Variants in PMS2 observed in about 807,000 individuals in gnomAD.
The protein encoded by PMS2 is PMS1 homolog 2, mismatch repair system component.
PMS2 carries 69 observed loss-of-function variants against 90.0 expected under a neutral mutation model. The ratio of observed to expected loss-of-function variants is 0.77; its 90% CI spans 0.63 to 0.94. PMS2 has a LOEUF of 0.94. PMS2 is among the 40% of genes least tolerant of loss of function. The pLI, the probability that PMS2 is intolerant of heterozygous loss-of-function variation, is 0.00. For missense variants in PMS2, 966 were observed against 1,040.2 expected (o/e 0.93, Z 0.98); for synonymous variants, 332 against 375.1 (o/e 0.89, Z 1.33).
chr7:5,989,954 T>G lies in PMS2; in HGVS notation c.990A>C (p.Glu330Asp). Residue 330 changes from glutamate to aspartate, a missense_variant and splice_region_variant, in exon 10 of 15, where the codon GAA (glutamate) becomes GAC (aspartate). By Grantham distance (45) the Glu-to-Asp change is conservative (BLOSUM62 2). Around this residue, in one of 2 missense-constraint regions of PMS2, gnomAD observed 871 missense variants for 802.4 expected, o/e 1.09. Transcript: ENST00000265849. ...CTGGAGTAACATTGATATCAACGCATTCTAAGGCAAAAAAGAAAACATATT... is the reference window on the plus strand; with the variant it reads ...CTGGAGTAACATTGATATCAACGCAGTCTAAGGCAAAAAAGAAAACATATT... ...FVVLNISVDS[E>D]CVDINVTPDK... The G allele has an allele frequency of 6.3e-7, 1 of 1,584,008 alleles. No individual in the cohort carries two copies. Among genetic ancestry groups the G allele is most frequent in the Non-Finnish European group, 8.6e-7 (1 of 1,156,604 alleles).
At chr7:5,993,901 C>G (rs1450081931) in intron 8 of PMS2, among the ~76,000 whole-genome samples, 2 of 129,474 alleles carry the variant, frequency 1.5e-5, no homozygotes, top group African/African-American at 2.8e-5. Context: ...AATATAGAAA[C>G]CATGTAATCA....
chr7:5,991,355 A>G (rs1009837068), intron 9 of PMS2, among the ~76,000 whole-genome samples: 3 of 151,984 alleles, frequency 2.0e-5, no homozygotes, highest in Non-Finnish European at 4.4e-5. Context: ...ATCTAGAAAA[A>G]ATACTCAATT....
Position 5,986,821 on chromosome 7 carries a change from A to G in PMS2, c.1944T>C (p.Phe648=), listed in dbSNP as rs144011908. 2.9e-5 allele frequency: 47 copies of G among 1,613,290 alleles called. No homozygotes were observed. The African/African-American group carries it at 6.3e-4, about 22-fold the overall frequency. The change falls in exon 11 of 15, where the codon TTT becomes TTC. Residue 648 remains phenylalanine (F), a synonymous_variant. Transcript: ENST00000265849. The part of the protein sequence containing the change: ...QSEGEQNYRK[F]RAKICPGENQ... The stretch of plus-strand genomic sequence containing the variant: ...TTTCTCCAGGACAAATCTTTGCCCT[A>G]AACTTCCTGTAATTCTGTTCCCCTT...
At position 6,003,948 on chromosome 7, in the gene PMS2, T is replaced by C. The variant is rs370191165; in HGVS notation, c.250+24A>G. On this transcript the variant is annotated intron_variant, in intron 3 of 14. Coordinates refer to ENST00000265849, the MANE Select transcript of PMS2 (RefSeq NM_000535.7). ...GACATGTGACCCAATTATTTTATAA[T>C]AGGATTAGAAAAAGTCAACTTACTT... 172 of 1,469,968 alleles carry C rather than the reference T, an allele frequency of 1.2e-4. 2 individuals are homozygous for C. In the East Asian group the frequency reaches 2.1e-3, roughly 18 times the overall value. 91.1% of individuals were successfully genotyped at this position (1,469,968 alleles called of 1,614,324 possible).
chr7:6,009,040 C>A lies in PMS2; in HGVS notation c.-21G>T. The A allele has an allele frequency of 6.2e-7, 1 of 1,612,396 alleles. No homozygotes were observed. The highest frequency in any genetic ancestry group is 8.5e-7 in the Non-Finnish European group (1 of 1,179,764). Reference sequence around the variant, plus strand: ...TCCATGGATGCAACACCCGATCCGCCTCGGGGACTGGGAAAGTTCCCTCCA... The same window carrying A: ...TCCATGGATGCAACACCCGATCCGCATCGGGGACTGGGAAAGTTCCCTCCA... On this transcript the variant is annotated 5_prime_UTR_variant, in exon 1 of 15. It adds an upstream start codon to the 5' untranslated region. Transcript: ENST00000265849.
At chr7:5,981,209 T>C (rs1782251558) in intron 12 of PMS2, among the ~76,000 whole-genome samples, 1 of 151,666 alleles carries the variant, frequency 6.6e-6, no homozygotes, top group African/African-American at 2.4e-5. Flanking sequence ...GTGACTATCT[T>C]AAAATAATTT....
At chr7:5,995,496 G>T (rs774188683) in intron 8 of PMS2, 38 bp downstream of exon 8, 3 of 1,270,474 alleles carry the variant, frequency 2.4e-6, no homozygotes, top group African/African-American at 2.9e-5. Flanking sequence ...AAAGTCAAAG[G>T]CATAAAGAAC....
rs1345597374 is a variant in PMS2 at position 5,978,150 on chromosome 7, G to A, written c.2276-393C>T. Among the ~76,000 whole-genome samples, 2 of 150,124 alleles carry A rather than the reference G, an allele frequency of 1.3e-5. 1 individual carries two copies. Among genetic ancestry groups the A allele is most frequent in the Non-Finnish European group, 3.0e-5 (2 of 67,422 alleles). Reference sequence around the variant, plus strand: ...AAAAAAAAAGTGAACACCTGAAAGAGAGGAAACTCACAAAATGCTTTTTGG... The same window carrying A: ...AAAAAAAAAGTGAACACCTGAAAGAAAGGAAACTCACAAAATGCTTTTTGG... On this transcript the variant is annotated intron_variant, in intron 13 of 14. Transcript: ENST00000265849.
rs1383666302 is a variant in PMS2, at chr7:5,981,617, A to C, written c.2174+1207T>G. On this transcript the variant is annotated intron_variant, in intron 12 of 14. Coordinates refer to ENST00000265849, the MANE Select transcript of PMS2 (RefSeq NM_000535.7). ...GGCGCACAGGCTGTCTGTCTTTCTG[A>C]ACACACACATTCCATACACTATGCA... 2.6e-5 allele frequency among the ~76,000 whole-genome samples: 4 copies of C among 151,008 alleles called. No homozygotes were observed. The South Asian group carries it at 6.3e-4, about 24-fold the overall frequency.
chr7:5,999,012 C>T (rs1183963617), intron 6 of PMS2, 96 bp downstream of exon 6: 12 of 1,212,578 alleles, frequency 9.9e-6, no homozygotes, highest in Non-Finnish European at 1.3e-5. Context: ...AAAATCAATT[C>T]TAAGATTTTA....
At chr7:5,991,921 T>C (rs1198992892) in intron 9 of PMS2, 52 bp downstream of exon 9, 1 of 860,636 alleles carries the variant, frequency 1.2e-6, no homozygotes, top group Non-Finnish European at 2.0e-6. Flanking sequence ...AATTTCATTT[T>C]ATTCTTTGAG....
At chr7:5,978,515 C>T (rs1781960335) in intron 13 of PMS2, 81 bp downstream of exon 13, 1 of 1,281,670 alleles carries the variant, frequency 7.8e-7, no homozygotes, top group Non-Finnish European at 1.1e-6. Flanking sequence ...AGGCGATCTG[C>T]CCGCCTTGGC....
rs181575205 is a variant in PMS2 at position 5,984,646 on chromosome 7, A to G, written c.2007-1655T>C. Among the ~76,000 whole-genome samples, 13 of 151,670 alleles carry G rather than the reference A, an allele frequency of 8.6e-5. No homozygotes were observed. The South Asian group carries it at 1.2e-3, about 15-fold the overall frequency. The stretch of plus-strand genomic sequence containing the variant: ...CTAAAAATAAAAAAATTAGCCAGGC[A>G]TGGTGGTGGACACCTGTACTCCCAG... On this transcript the variant is annotated intron_variant, in intron 11 of 14. Coordinates refer to ENST00000265849, the MANE Select transcript of PMS2 (RefSeq NM_000535.7).
chr7:5,987,052 G>A lies in PMS2; in HGVS notation c.1713C>T (p.Leu571=), dbSNP rs745774944. ...TAAAACGCTTTGTGTTTGGGGTTGC[G>A]AGATTAGTTGGCTGAGGCAAAACTC... The part of the protein sequence containing the change: ...KFRVLPQPTN[L]ATPNTKRFKK... The change falls in exon 11 of 15, where the codon CTC becomes CTT. Residue 571 remains leucine (L), a synonymous_variant. Coordinates refer to ENST00000265849, the MANE Select transcript of PMS2 (RefSeq NM_000535.7). 41 of 1,614,036 alleles carry A rather than the reference G, an allele frequency of 2.5e-5. No homozygotes were observed. Among genetic ancestry groups the A allele is most frequent in the Non-Finnish European group, 3.0e-5 (35 of 1,180,050 alleles).
At position 5,981,594 on chromosome 7, in the gene PMS2, C is replaced by T. The variant is rs368634058; in HGVS notation, c.2174+1230G>A. ...TTACTCTACTGTCAATCAACACTGG[C>T]GCACAGGCTGTCTGTCTTTCTGAAC... is the stretch of plus-strand genomic sequence containing the variant. On this transcript the variant is annotated intron_variant, in intron 12 of 14. Transcript: ENST00000265849. 4.6e-5 allele frequency among the ~76,000 whole-genome samples: 7 copies of T among 150,550 alleles called. 1 individual carries two copies. Among genetic ancestry groups the T allele is most frequent in the East Asian group, 2.0e-4 (1 of 5,128 alleles).
chr7:5,982,918 C>G lies in PMS2; in HGVS notation c.2080G>C (p.Asp694His), dbSNP rs766478637. The G allele has an allele frequency of 1.3e-6, 2 of 1,594,160 alleles. No homozygotes were observed. Among genetic ancestry groups the G allele is most frequent in the Non-Finnish European group, 1.7e-6 (2 of 1,167,292 alleles). ...LGFIITKLNE[D>H]IFIVDQHATD... Reference sequence around the variant, plus strand: ...GCATGCTGGTCCACTATGAAGATATCCTCATTCAGTTTGGTTATTATAAAT... The same window carrying G: ...GCATGCTGGTCCACTATGAAGATATGCTCATTCAGTTTGGTTATTATAAAT... Residue 694 changes from aspartate to histidine, a missense_variant, in exon 12 of 15, where the codon GAT (aspartate) becomes CAT (histidine). This residue lies in a region of PMS2 where 95 missense variants were observed against 237.8 expected (regional missense o/e 0.40). Transcript: ENST00000265849.
chr7:6,000,927 G>A (rs1785018792), intron 5 of PMS2, among the ~76,000 whole-genome samples: 1 of 152,138 alleles, frequency 6.6e-6, no homozygotes, highest in East Asian at 1.9e-4. Flanking sequence ...GGAGGTGGAG[G>A]TTGCAGTGAG....
At chr7:5,989,685 A>T in intron 10 of PMS2, 115 bp downstream of exon 10, 1 of 773,688 alleles carries the variant, frequency 1.3e-6, no homozygotes, top group Non-Finnish European at 2.1e-6. Context: ...ATTAAAAATG[A>T]TAAAATAATA....
rs773393960 is a variant in PMS2, at chr7:5,977,653, G to A, written c.2380C>T (p.Pro794Ser). Residue 794 changes from proline (P) to serine (S), a missense_variant, in exon 14 of 15, where the codon CCT (proline) becomes TCT (serine). Physicochemically the swap from Pro to Ser is moderately conservative, Grantham distance 74. Transcript: ENST00000265849. ...CGGGAAGGCCGGCACATGACCCCAG[G>A]GCTGTCGCTCAGCATGAAGATCAGT... ...DELIFMLSDS[P>S]GVMCRPSRVK... 5 of 1,604,584 alleles carry A rather than the reference G, an allele frequency of 3.1e-6. 1 individual carries two copies. Among genetic ancestry groups the A allele is most frequent in the South Asian group, 2.2e-5 (2 of 90,516 alleles).
Sources: allele counts gnomAD v4.1 joint callset (sites outside exome capture counted in the v4.1 genomes callset), GRCh38; gene constraint gnomAD v4.1.1; regional missense constraint gnomAD v4.1.1; transcripts MANE v1.5; gene names NCBI Gene and HGNC (gene_info 2026-07-23, HGNC 2026-07-21).